Variants in ARHGEF28 observed in about 807,000 individuals in gnomAD.
ARHGEF28 encodes 190 kDa guanine nucleotide exchange factor.
In ARHGEF28, 152 loss-of-function variants were observed where a neutral mutation model predicts 206.6. The observed-to-expected ratio is 0.74, with a 90% CI of 0.64 to 0.84. The LOEUF is 0.84. ARHGEF28 is among the 40% of genes least tolerant of loss of function. ARHGEF28 has a pLI of 0.00. For synonymous variants in ARHGEF28, 763 were observed against 776.4 expected (o/e 0.98, Z 0.29); for missense variants, 2,028 against 2,073.2 (o/e 0.98, Z 0.42).
At chr5:73,813,693 C>A in intron 9 of ARHGEF28, 1 of 1,533,076 alleles carries the variant, frequency 6.5e-7, no homozygotes, top group Non-Finnish European at 8.7e-7. Flanking sequence ...AGTATCTTTT[C>A]TTTCCTTCAC....
rs1402399415 is a variant in ARHGEF28 at position 73,891,974 on chromosome 5, T to C, written c.3388-78T>C. On this transcript the variant is annotated intron_variant, in intron 26 of 35. Transcript: ENST00000513042. Reference sequence around the variant, plus strand: ...AGAAAGGTTTACCTAGTACTCTTGCTTCCTTTAGCTCATGTTTTACGGAGC... The same window carrying C: ...AGAAAGGTTTACCTAGTACTCTTGCCTCCTTTAGCTCATGTTTTACGGAGC... 7 of 1,363,460 alleles carry C rather than the reference T, an allele frequency of 5.1e-6. No individual in the cohort carries two copies. In the African/African-American group the frequency reaches 1.0e-4, roughly 20 times the overall value. 84.5% of individuals were successfully genotyped at this position (1,363,460 alleles called of 1,614,324 possible).
chr5:73,649,389 C>A (rs887179655), intron 1 of ARHGEF28, among the ~76,000 whole-genome samples: 1 of 152,114 alleles, frequency 6.6e-6, no homozygotes, highest in Non-Finnish European at 1.5e-5. Context: ...AAAAAGCATG[C>A]CTTGTTGGTA....
At chr5:73,637,967 T>A (rs1743833185) in intron 1 of ARHGEF28, among the ~76,000 whole-genome samples, 1 of 152,218 alleles carries the variant, frequency 6.6e-6, no homozygotes, top group Non-Finnish European at 1.5e-5. Context: ...GTTCTAAATG[T>A]AATGTATATT....
chr5:73,928,245 G>A (rs998029014), intron 35 of ARHGEF28, among the ~76,000 whole-genome samples: 5 of 152,078 alleles, frequency 3.3e-5, no homozygotes, highest in African/African-American at 7.2e-5. Context: ...GTAAAACCCC[G>A]TCTCTACTAA....
Position 73,740,610 on chromosome 5 carries a change from G to T in ARHGEF28, c.34-9227G>T, listed in dbSNP as rs191206181. ...GATAGACCCTCAGATATTTGCAGCG[G>T]TGACCATTTACCCATGAGTCGTCTC... On this transcript the variant is annotated intron_variant, in intron 2 of 35. Transcript: ENST00000513042. 3.0e-3 allele frequency among the ~76,000 whole-genome samples: 463 copies of T among 152,236 alleles called. 1 individual carries two copies. The highest frequency in any genetic ancestry group is 5.3e-3 in the African/African-American group (222 of 41,548).
chr5:73,676,983 AT>A (rs1473190833), intron 1 of ARHGEF28, among the ~76,000 whole-genome samples: 2 of 152,246 alleles, frequency 1.3e-5, no homozygotes, highest in Non-Finnish European at 2.9e-5. Flanking sequence ...GCTTTAAAAA[AT>A]GTTCTAAATG....
At chr5:73,721,561 C>T (rs1749947562) in intron 2 of ARHGEF28, among the ~76,000 whole-genome samples, 1 of 152,066 alleles carries the variant, frequency 6.6e-6, no homozygotes, top group Non-Finnish European at 1.5e-5. Context: ...CTGAAATTGG[C>T]TTATTAGGCT....
intron 35 of ARHGEF28, among the ~76,000 whole-genome samples, chr5:73,935,013 A>C (rs1389457006): frequency 2.6e-5 from 4 of 152,204 alleles, no homozygotes; most frequent in Non-Finnish European, 5.9e-5. Context: ...CATGAGAGTG[A>C]ATCAAAGTTC....
chr5:73,844,139 A>G (rs1324406781), intron 11 of ARHGEF28, among the ~76,000 whole-genome samples: 1 of 152,248 alleles, frequency 6.6e-6, no homozygotes, highest in African/African-American at 2.4e-5. Context: ...CTTAAATAAA[A>G]GTAGTAGCCC....
At chr5:73,923,246 TGG>T in intron 35 of ARHGEF28, 1 of 1,277,310 alleles carries the variant, frequency 7.8e-7, no homozygotes, top group Non-Finnish European at 1.1e-6. Context: ...TAAAATGTTT[TGG>T]TTTATGCTAA....
At chr5:73,785,505 T>C (rs923365981) in intron 7 of ARHGEF28, among the ~76,000 whole-genome samples, 1 of 152,290 alleles carries the variant, frequency 6.6e-6, no homozygotes, top group African/African-American at 2.4e-5. Context: ...TTTTTCAAAC[T>C]GTTCACAGTG....
intron 1 of ARHGEF28, among the ~76,000 whole-genome samples, chr5:73,651,461 T>G (rs569927241): frequency 7.2e-5 from 11 of 152,320 alleles, no homozygotes; most frequent in Admixed American, 7.2e-4. Context: ...GATTGATTAT[T>G]TAGGGAAAGC....
At chr5:73,849,174 A>C in intron 13 of ARHGEF28, 87 bp downstream of exon 13, 1 of 951,206 alleles carries the variant, frequency 1.1e-6, no homozygotes, top group East Asian at 2.9e-5. Flanking sequence ...ATATTCAAGA[A>C]CAGCAGACAA....
At chr5:73,839,465 C>T (rs1757851878) in intron 10 of ARHGEF28, among the ~76,000 whole-genome samples, 2 of 152,146 alleles carry the variant, frequency 1.3e-5, no homozygotes, top group Non-Finnish European at 2.9e-5. Flanking sequence ...TTCATTTTTA[C>T]TGTCCTCACT....
intron 13 of ARHGEF28, among the ~76,000 whole-genome samples, chr5:73,850,530 C>T (rs1279097403): frequency 6.6e-6 from 1 of 152,072 alleles, no homozygotes; most frequent in African/African-American, 2.4e-5. Flanking sequence ...ATAGTCCCAG[C>T]TGATGAATTA....
At chr5:73,788,198 G>A (rs1580618591) in intron 7 of ARHGEF28, among the ~76,000 whole-genome samples, 1 of 152,138 alleles carries the variant, frequency 6.6e-6, no homozygotes, top group East Asian at 1.9e-4. Flanking sequence ...TATAGCTAAA[G>A]GTTAGTTTCT....
chr5:73,885,908 T>A lies in ARHGEF28; in HGVS notation c.3114T>A (p.Ile1038=). 1 of 1,613,694 alleles carries A rather than the reference T, an allele frequency of 6.2e-7. No individual in the cohort carries two copies. The highest frequency in any genetic ancestry group is 8.5e-7 in the Non-Finnish European group (1 of 1,179,778). The change falls in exon 25 of 36, where the codon ATT becomes ATA. Residue 1038 remains isoleucine, a synonymous_variant. Transcript: ENST00000513042. ...CGCTTTGCTTAATTAAAGACATGAT[T>A]GCAACAGTGGATTTAAAAGTCAATG... ...RKALCLIKDM[I]ATVDLKVNEY...
In ARHGEF28 at chr5:73,641,556, C is replaced by A. The variant is rs530284485; in HGVS notation, c.-12+15234C>A. Among the ~76,000 whole-genome samples the A allele has an allele frequency of 2.6e-5, 4 of 152,174 alleles. No individual in the cohort carries two copies. In the East Asian group the frequency reaches 7.7e-4, roughly 29 times the overall value. The stretch of plus-strand genomic sequence containing the variant: ...TCTTGGAGTCTTGAGTTTTTGTTGC[C>A]TCATTGAGAAGGATATGGCTTTTTA... On this transcript the variant is annotated intron_variant, in intron 1 of 35. Transcript: ENST00000513042.
chr5:73,830,925 C>G (rs1757256604), intron 9 of ARHGEF28, among the ~76,000 whole-genome samples: 2 of 152,044 alleles, frequency 1.3e-5, no homozygotes, highest in Admixed American at 6.6e-5. Flanking sequence ...AGTACTATTC[C>G]TATGTACCTA....
Sources: allele counts gnomAD v4.1 joint callset (sites outside exome capture counted in the v4.1 genomes callset), GRCh38; gene constraint gnomAD v4.1.1; transcripts MANE v1.5; gene names NCBI Gene and HGNC (gene_info 2026-07-23, HGNC 2026-07-21).